The following MMP2 variants were observed in gnomAD, a reference collection of about 807,000 sequenced individuals.
The protein encoded by MMP2 is 72 kDa type IV collagenase.
In MMP2, 39 loss-of-function variants were observed where a neutral mutation model predicts 74.8. The observed-to-expected ratio is 0.52, with a 90% CI of 0.40 to 0.68. MMP2 has a LOEUF of 0.68. MMP2 is among the 30% of genes least tolerant of loss of function. The pLI is 0.00. For missense variants in MMP2, 803 were observed against 878.3 expected (o/e 0.91, Z 1.08); for synonymous variants, 367 against 339.8 (o/e 1.08, Z -0.88).
chr16:55,500,077 A>G (rs970197470), intron 11 of MMP2, among the ~76,000 whole-genome samples: 1 of 149,500 alleles, frequency 6.7e-6, no homozygotes, highest in Non-Finnish European at 1.5e-5. Context: ...AGGCCTGCCC[A>G]TGTCAGGGTG....
At chr16:55,484,385 G>T (rs1410812824) in intron 3 of MMP2, among the ~76,000 whole-genome samples, 1 of 152,154 alleles carries the variant, frequency 6.6e-6, no homozygotes, top group East Asian at 1.9e-4. Flanking sequence ...GGTATAACCT[G>T]GAGGCCGTCT....
rs1962184968 is a variant in MMP2, at chr16:55,484,285, G to A, written c.529+121G>A. On this transcript the variant is annotated intron_variant, in intron 3 of 12. Transcript: ENST00000219070. ...CGGCTTAGATAGGACAGTAGATGGT[G>A]TGGGCCCTGGGGGTGGTTTAGATGG... is the stretch of plus-strand genomic sequence containing the variant. 5 of 1,213,482 alleles carry A rather than the reference G, an allele frequency of 4.1e-6. No homozygotes were observed. In the South Asian group the frequency reaches 6.8e-5, roughly 16 times the overall value. 75.2% of individuals were successfully genotyped at this position (1,213,482 alleles called of 1,614,324 possible). A position where few individuals can be genotyped will look rare whatever the true frequency, so the allele number is the denominator to read the frequency against.
intron 5 of MMP2, chr16:55,488,257 G>A: frequency 2.1e-6 from 1 of 480,472 alleles, no homozygotes; most frequent in East Asian, 4.0e-5. Context: ...AGTGCCCTTG[G>A]GGCTGAGGCA....
chr16:55,491,512 A>G (rs902746385), intron 7 of MMP2, among the ~76,000 whole-genome samples: 4 of 152,156 alleles, frequency 2.6e-5, no homozygotes, highest in African/African-American at 9.7e-5. Context: ...AAATTCGCAG[A>G]TACTACTTGT....
intron 11 of MMP2, among the ~76,000 whole-genome samples, chr16:55,502,028 A>G (rs1342690232): frequency 6.6e-6 from 1 of 152,208 alleles, no homozygotes; most frequent in Non-Finnish European, 1.5e-5. Flanking sequence ...ATACTAACCG[A>G]TGCCCAAAGT....
intron 1 of MMP2, among the ~76,000 whole-genome samples, 199 bp downstream of exon 1, chr16:55,479,831 C>T (rs1394558581): frequency 6.6e-6 from 1 of 152,018 alleles, no homozygotes; most frequent in Non-Finnish European, 1.5e-5. Context: ...GCAAAGAAAA[C>T]CTTTGATAAA....
Position 55,493,375 on chromosome 16 carries a change from C to T in MMP2, c.1472+82C>T, listed in dbSNP as rs1962462389. 8 of 1,578,848 alleles carry T rather than the reference C, an allele frequency of 5.1e-6. No individual in the cohort carries two copies. The Admixed American group carries it at 1.2e-4, about 23-fold the overall frequency. ...CATTATTCTTTTCCCTCACTCTTCGCTGAAGACTCCGCCAAATGCTTCCCA... is the reference window on the plus strand; with the variant it reads ...CATTATTCTTTTCCCTCACTCTTCGTTGAAGACTCCGCCAAATGCTTCCCA... On this transcript the variant is annotated intron_variant, in intron 9 of 12. Coordinates refer to ENST00000219070, the MANE Select transcript of MMP2 (RefSeq NM_004530.6).
At chr16:55,490,065 C>T (rs949553872) in intron 7 of MMP2, among the ~76,000 whole-genome samples, 26 of 152,150 alleles carry the variant, frequency 1.7e-4, no homozygotes, top group Non-Finnish European at 3.5e-4. Flanking sequence ...CCTGGTAGAC[C>T]AGATGCTGCT....
At chr16:55,492,039 A>G (rs1962422510) in intron 8 of MMP2, 83 bp downstream of exon 8, 1 of 1,380,680 alleles carries the variant, frequency 7.2e-7, no homozygotes, top group Non-Finnish European at 1.0e-6. Context: ...AGGGGGTGGG[A>G]CCAGCAAGAT....
At chr16:55,500,230 C>T (rs572790309) in intron 11 of MMP2, among the ~76,000 whole-genome samples, 1 of 152,028 alleles carries the variant, frequency 6.6e-6, no homozygotes, top group Admixed American at 6.6e-5. Flanking sequence ...ACAGTGTGCA[C>T]GCACACGCAC....
chr16:55,500,399 T>A (rs1408486355), intron 11 of MMP2, among the ~76,000 whole-genome samples: 1 of 152,146 alleles, frequency 6.6e-6, no homozygotes, highest in Non-Finnish European at 1.5e-5. Flanking sequence ...GGAAGAACTT[T>A]TTAAATCACT....
chr16:55,488,614 T>G lies in MMP2; in HGVS notation c.904T>G (p.Tyr302Asp). Residue 302 changes from tyrosine (Y) to aspartate (D), a missense_variant, in exon 6 of 13, where the codon TAT (tyrosine) becomes GAT (aspartate). By Grantham distance (160) the Tyr-to-Asp change is radical. Coordinates refer to ENST00000219070, the MANE Select transcript of MMP2 (RefSeq NM_004530.6). ...TCCATTCCGCTTCCAGGGCACATCC[T>G]ATGACAGCTGCACCACTGAGGGCCG... is the stretch of plus-strand genomic sequence containing the variant. ...KFPFRFQGTS[Y>D]DSCTTEGRTD... 6.2e-7 allele frequency: 1 copy of G among 1,614,014 alleles called. No homozygotes were observed. The highest frequency in any genetic ancestry group is 8.5e-7 in the Non-Finnish European group (1 of 1,179,946).
At position 55,479,644 on chromosome 16, in the gene MMP2, C is replaced by T. The variant is rs750653987; in HGVS notation, c.153+12C>T. 10 of 1,613,658 alleles carry T rather than the reference C, an allele frequency of 6.2e-6. No individual in the cohort carries two copies. Among genetic ancestry groups the T allele is most frequent in the Admixed American group, 3.3e-5 (2 of 60,026 alleles). On this transcript the variant is annotated intron_variant, in intron 1 of 12. Coordinates refer to ENST00000219070, the MANE Select transcript of MMP2 (RefSeq NM_004530.6). ...AAGAGTTGGCAGTGGTGAGTTGCTG[C>T]GCTGGCCTCAAGGAACCACGTTTAG...
In MMP2 at chr16:55,493,177, C is replaced by T; in HGVS notation, c.1356C>T (p.Asp452=). Reference sequence around the variant, plus strand: ...CCCCAGGGGCCTCTCCTGACATTGACCTTGGCACCGGCCCCACCCCCACGC... The same window carrying T: ...CCCCAGGGGCCTCTCCTGACATTGATCTTGGCACCGGCCCCACCCCCACGC... The part of the protein sequence containing the change: ...QELYGASPDI[D]LGTGPTPTLG... Residue 452 remains aspartate (D), a synonymous_variant, in exon 9 of 13, where the codon GAC becomes GAT. Transcript: ENST00000219070. 1.2e-6 allele frequency: 2 copies of T among 1,614,006 alleles called. No individual in the cohort carries two copies. The highest frequency in any genetic ancestry group is 1.7e-6 in the Non-Finnish European group (2 of 1,180,022).
chr16:55,479,556 A>G lies in MMP2; in HGVS notation c.77A>G (p.His26Arg), dbSNP rs1238968510. Residue 26 changes from histidine to arginine, a missense_variant, in exon 1 of 13, where the codon CAC (histidine) becomes CGC (arginine). By Grantham distance (29) the His-to-Arg change is conservative. Coordinates refer to ENST00000219070, the MANE Select transcript of MMP2 (RefSeq NM_004530.6). ...TGTCTCCTGGGCTGCCTGCTGAGCC[A>G]CGCCGCCGCCGCGCCGTCGCCCATC... Reference protein sequence around the residue: ...ALCLLGCLLSHAAAAPSPIIK... With the variant: ...ALCLLGCLLSRAAAAPSPIIK... 4.3e-6 allele frequency: 7 copies of G among 1,612,558 alleles called. No individual in the cohort carries two copies. Among genetic ancestry groups the G allele is most frequent in the South Asian group, 2.2e-5 (2 of 91,024 alleles).
At chr16:55,486,236 G>GGCT in intron 5 of MMP2, among the ~76,000 whole-genome samples, 1 of 152,054 alleles carries the variant, frequency 6.6e-6, no homozygotes, top group East Asian at 1.9e-4. Flanking sequence ...CTCAGACCAG[G>GGCT]GCTGGACTCA....
Position 55,479,374 on chromosome 16 carries a change from G to A in MMP2, c.-106G>A, listed in dbSNP as rs534974582. 1.6e-6 allele frequency: 2 copies of A among 1,277,410 alleles called. No homozygotes were observed. 79.1% of individuals were successfully genotyped at this position (1,277,410 alleles called of 1,614,324 possible). A position where few individuals can be genotyped will look rare whatever the true frequency, so the allele number is the denominator to read the frequency against. ...CAGGCCACCGAGCCAGCGGACCCTC[G>A]GAGCGCAGCCCTGCGCCGCGGAGCA... On this transcript the variant is annotated 5_prime_UTR_variant, in exon 1 of 13. Coordinates refer to ENST00000219070, the MANE Select transcript of MMP2 (RefSeq NM_004530.6).
intron 1 of MMP2, 46 bp downstream of exon 1, chr16:55,479,678 C>T (rs1256708785): frequency 2.5e-6 from 4 of 1,612,338 alleles, no homozygotes; most frequent in Non-Finnish European, 3.4e-6. Flanking sequence ...AGACAAACTT[C>T]GGAGGCAAAG....
chr16:55,491,099 G>T (rs1293015010), intron 7 of MMP2, among the ~76,000 whole-genome samples: 5 of 147,464 alleles, frequency 3.4e-5, no homozygotes, highest in Non-Finnish European at 4.5e-5. Context: ...ACGGAGTCTT[G>T]CTCTTGCCCA....
Sources: allele counts gnomAD v4.1 joint callset (sites outside exome capture counted in the v4.1 genomes callset), GRCh38; gene constraint gnomAD v4.1.1; transcripts MANE v1.5; gene names NCBI Gene and HGNC (gene_info 2026-07-23, HGNC 2026-07-21).